Variants in KLHDC1 observed in about 807,000 individuals in gnomAD.
KLHDC1 encodes the protein kelch domain containing 1.
In KLHDC1, 53 loss-of-function variants were observed where a neutral mutation model predicts 68.3. The ratio of observed to expected loss-of-function variants is 0.78; its 90% CI spans 0.62 to 0.98. The LOEUF is 0.98. Ranked by LOEUF, KLHDC1 falls within the 50% of genes least tolerant of loss-of-function variation. The pLI is 0.00. For missense variants in KLHDC1, 470 were observed against 492.3 expected, an observed-to-expected ratio of 0.95 and a Z score of 0.43; for synonymous variants, 148 against 159.0, an observed-to-expected ratio of 0.93 and a Z score of 0.52.
chr14:49,735,588 A>T (rs186106372), intron 10 of KLHDC1, among the ~76,000 whole-genome samples: 1 of 152,168 alleles, frequency 6.6e-6, no homozygotes, highest in African/African-American at 2.4e-5. Context: ...TATTACTTTA[A>T]CATTTCTGGC....
chr14:49,736,613 ATTT>A (rs1179122604), intron 10 of KLHDC1, among the ~76,000 whole-genome samples: 1 of 152,156 alleles, frequency 6.6e-6, no homozygotes, highest in Admixed American at 6.5e-5. Context: ...TTTTGTACAA[ATTT>A]TTCAAGTTGT....
At chr14:49,733,009 G>A (rs1471547899) in intron 9 of KLHDC1, among the ~76,000 whole-genome samples, 193 bp downstream of exon 9, 1 of 152,096 alleles carries the variant, frequency 6.6e-6, no homozygotes, top group Non-Finnish European at 1.5e-5. Flanking sequence ...CTGTTTTCTA[G>A]GGAAAGAGAA....
intron 4 of KLHDC1, among the ~76,000 whole-genome samples, chr14:49,711,153 C>T (rs1017108076): frequency 6.6e-6 from 1 of 151,294 alleles, no homozygotes; most frequent in Non-Finnish European, 1.5e-5. Context: ...CCACCATGCC[C>T]GGCTAATTTT....
chr14:49,728,479 C>T (rs2139756294), intron 6 of KLHDC1, among the ~76,000 whole-genome samples: 1 of 152,302 alleles, frequency 6.6e-6, no homozygotes, highest in South Asian at 2.1e-4. Context: ...AAATTTGAGG[C>T]ACCAAGAGTT....
intron 12 of KLHDC1, among the ~76,000 whole-genome samples, chr14:49,745,383 A>C (rs893622492): frequency 6.6e-6 from 1 of 152,198 alleles, no homozygotes; most frequent in Admixed American, 6.5e-5. Flanking sequence ...TTTGGATTGC[A>C]AGTTCCTCAT....
intron 4 of KLHDC1, among the ~76,000 whole-genome samples, chr14:49,716,005 G>A (rs1004341966): frequency 3.3e-5 from 5 of 151,858 alleles, no homozygotes; most frequent in African/African-American, 9.7e-5. Context: ...TTCATTCACA[G>A]GTGTATACAG....
chr14:49,724,050 A>G lies in KLHDC1; in HGVS notation c.483+98A>G, dbSNP rs531083655. ...AGTCTTTCTCATTTTTGGAGCTACC[A>G]ATTTGTCGTAATTGACGCTATGAAA... On this transcript the variant is annotated intron_variant, in intron 5 of 12. Coordinates refer to ENST00000359332, the MANE Select transcript of KLHDC1 (RefSeq NM_172193.3). 2.3e-5 allele frequency: 15 copies of G among 651,244 alleles called. No homozygotes were observed. The East Asian group carries it at 4.5e-4, about 20-fold the overall frequency. 40.3% of individuals were successfully genotyped at this position (651,244 alleles called of 1,614,324 possible).
intron 4 of KLHDC1, among the ~76,000 whole-genome samples, chr14:49,715,821 T>C (rs752909474): frequency 2.0e-5 from 3 of 148,842 alleles, no homozygotes; most frequent in Non-Finnish European, 4.5e-5. Context: ...TAAACCTAGA[T>C]GTTTATGAGC....
At chr14:49,744,033 G>C (rs956199095) in intron 12 of KLHDC1, among the ~76,000 whole-genome samples, 1 of 151,994 alleles carries the variant, frequency 6.6e-6, no homozygotes, top group South Asian at 2.1e-4. Context: ...ACCTGTAATT[G>C]AGTGCTCTGA....
At chr14:49,746,465 G>A (rs1266739047) in intron 12 of KLHDC1, among the ~76,000 whole-genome samples, 1 of 152,170 alleles carries the variant, frequency 6.6e-6, no homozygotes, top group Non-Finnish European at 1.5e-5. Flanking sequence ...AGGCTAGCCA[G>A]GAGATAATGG....
At chr14:49,694,981 G>T (rs115678471) in intron 1 of KLHDC1, among the ~76,000 whole-genome samples, 236 of 152,318 alleles carry the variant, frequency 1.5e-3, no homozygotes, top group African/African-American at 4.7e-3. Flanking sequence ...TATGTAGTTG[G>T]CTACTGACTG....
At chr14:49,729,433 A>C in intron 7 of KLHDC1, 57 bp from the exon 8 acceptor site, 1 of 1,183,880 alleles carries the variant, frequency 8.4e-7, no homozygotes, top group Non-Finnish European at 1.3e-6. Context: ...TTAAAAGAAA[A>C]ATTTTAGCTG....
chr14:49,715,753 A>ATATATAT (rs1566604531), intron 4 of KLHDC1, among the ~76,000 whole-genome samples: 1 of 130,654 alleles, frequency 7.7e-6, no homozygotes, highest in African/African-American at 3.0e-5. Flanking sequence ...AAAAAAAAAA[A>ATATATAT]AAAAAAAAAA....
At chr14:49,743,198 A>G (rs1594683007) in intron 11 of KLHDC1, among the ~76,000 whole-genome samples, 1 of 151,918 alleles carries the variant, frequency 6.6e-6, no homozygotes, top group Admixed American at 6.6e-5. Context: ...GGAGTTCGAA[A>G]CCAGCCTGGC....
At chr14:49,700,944 G>A (rs554962811) in intron 1 of KLHDC1, among the ~76,000 whole-genome samples, 57 of 152,196 alleles carry the variant, frequency 3.7e-4, no homozygotes, top group African/African-American at 1.3e-3. Flanking sequence ...TTAGCCAGGC[G>A]TGGTGGCACA....
intron 1 of KLHDC1, among the ~76,000 whole-genome samples, chr14:49,701,839 G>T (rs2139730511): frequency 6.6e-6 from 1 of 152,108 alleles, no homozygotes; most frequent in East Asian, 1.9e-4. Flanking sequence ...TTCAAGACCA[G>T]CCTGACCAAT....
intron 1 of KLHDC1, chr14:49,708,366 A>G (rs990387498): frequency 1.3e-5 from 2 of 152,340 alleles, no homozygotes; most frequent in East Asian, 3.8e-4. Context: ...CTGGGATTAC[A>G]AAATGCTGGC....
At chr14:49,698,402 C>T (rs1270642134) in intron 1 of KLHDC1, among the ~76,000 whole-genome samples, 1 of 152,022 alleles carries the variant, frequency 6.6e-6, no homozygotes, top group Non-Finnish European at 1.5e-5. Flanking sequence ...CGGGGTTTCA[C>T]CATGTTGGCC....
chr14:49,717,581 G>A (rs1888413243), intron 4 of KLHDC1, among the ~76,000 whole-genome samples: 1 of 152,052 alleles, frequency 6.6e-6, no homozygotes, highest in South Asian at 2.1e-4. Flanking sequence ...TTACGTTACG[G>A]TAGTACTTTA....
Sources: allele counts gnomAD v4.1 joint callset (sites outside exome capture counted in the v4.1 genomes callset), GRCh38; gene constraint gnomAD v4.1.1; transcripts MANE v1.5; gene names NCBI Gene and HGNC (gene_info 2026-07-23, HGNC 2026-07-21).